DDX54: variants seen among roughly 807,000 people sequenced by gnomAD.
DDX54 encodes ATP-dependent RNA helicase DDX54.
In DDX54, 67 loss-of-function variants were observed where a neutral mutation model predicts 105.5. That is an observed-to-expected ratio of 0.64 (90% confidence interval 0.52 to 0.78). The LOEUF (loss-of-function observed/expected upper bound fraction) is 0.78, where lower values mean the gene tolerates loss of function less well. DDX54 is among the 30% of genes least tolerant of loss of function. The pLI is 0.00. For synonymous variants in DDX54, 514 were observed against 509.9 expected, an observed-to-expected ratio of 1.01 and a Z score of -0.11; for missense variants, 1,206 against 1,230.5, an observed-to-expected ratio of 0.98 and a Z score of 0.30.
At chr12:113,182,254 CTG>C (rs1375427668) in intron 1 of DDX54, among the ~76,000 whole-genome samples, 1 of 152,218 alleles carries the variant, frequency 6.6e-6, no homozygotes, top group Non-Finnish European at 1.5e-5. Flanking sequence ...GCTTCAGAGA[CTG>C]TGTTCTTTTC....
At chr12:113,177,506 C>G (rs1179962175) in intron 5 of DDX54, 1 of 175,984 alleles carries the variant, frequency 5.7e-6, no homozygotes, top group East Asian at 1.5e-4. Context: ...AATTTTAGCC[C>G]TCCTCTGCAG....
At chr12:113,179,785 C>T (rs1952444774) in intron 3 of DDX54, 150 bp downstream of exon 3, 3 of 915,884 alleles carry the variant, frequency 3.3e-6, no homozygotes. Flanking sequence ...CCTTCTCCAC[C>T]TAGGAAGTGG....
chr12:113,180,762 C>A (rs1400631906), intron 2 of DDX54, among the ~76,000 whole-genome samples, 167 bp downstream of exon 2: 2 of 152,200 alleles, frequency 1.3e-5, no homozygotes, highest in African/African-American at 2.4e-5. Flanking sequence ...TGTGTCAGGC[C>A]CGCTGCCCCA....
In DDX54 at chr12:113,165,875, C is replaced by G. The variant is rs367588842; in HGVS notation, c.1572G>C (p.Pro524=). The G allele has an allele frequency of 1.9e-6, 3 of 1,613,512 alleles. No homozygotes were observed. The African/African-American group carries it at 4.0e-5, about 22-fold the overall frequency. ...NAQQQYVRSR[P]APSPESIKRA... ...TCTTGATGGACTCAGGCGAGGGCGC[C>G]GGGCGTGAGCGCACATACTGCTGCT... is the stretch of plus-strand genomic sequence containing the variant. Residue 524 remains proline (P), a synonymous_variant, in exon 13 of 20, where the codon CCG becomes CCC. Coordinates refer to ENST00000306014, the MANE Select transcript of DDX54 (RefSeq NM_024072.4).
chr12:113,181,737 GTC>G (rs1425956055), intron 1 of DDX54, among the ~76,000 whole-genome samples: 1 of 151,752 alleles, frequency 6.6e-6, no homozygotes, highest in Non-Finnish European at 1.5e-5. Flanking sequence ...TCTCTGGTCT[GTC>G]TCATGCCTGG....
Position 113,161,255 on chromosome 12 carries a change from C to T in DDX54, c.2413+15G>A. The stretch of plus-strand genomic sequence containing the variant: ...TGCCTACCTGTGCACCCACACTCCC[C>T]ACCCTGGCTCTCACCTTGGCCACGG... On this transcript the variant is annotated intron_variant, in intron 19 of 19. Coordinates refer to ENST00000306014, the MANE Select transcript of DDX54 (RefSeq NM_024072.4). The T allele has an allele frequency of 6.2e-7, 1 of 1,603,020 alleles. No homozygotes were observed.
intron 17 of DDX54, among the ~76,000 whole-genome samples, chr12:113,162,469 C>T (rs1952219406): frequency 6.6e-6 from 1 of 152,222 alleles, no homozygotes; most frequent in South Asian, 2.1e-4. Context: ...GGCCATCACA[C>T]CTGCTGTGAG....
At position 113,164,573 on chromosome 12, in the gene DDX54, G is replaced by A. The variant is rs138424104; in HGVS notation, c.1720-288C>T. Among the ~76,000 whole-genome samples, 20 of 152,312 alleles carry A rather than the reference G, an allele frequency of 1.3e-4. No homozygotes were observed. In the East Asian group the frequency reaches 3.9e-3, roughly 29 times the overall value. ...TGCTAAAAATACAAAAATTAGCTAG[G>A]TGTGGTGGTGGGCACCTGTAGTCCC... On this transcript the variant is annotated intron_variant, in intron 14 of 19. Transcript: ENST00000306014.
intron 1 of DDX54, among the ~76,000 whole-genome samples, chr12:113,185,036 C>G (rs1015272406): frequency 2.0e-5 from 3 of 152,220 alleles, no homozygotes; most frequent in Non-Finnish European, 4.4e-5. Flanking sequence ...GCGACCAAAA[C>G]CCGGCAGGAA....
intron 11 of DDX54, among the ~76,000 whole-genome samples, chr12:113,171,845 C>T (rs546045476): frequency 2.6e-5 from 4 of 152,150 alleles, no homozygotes; most frequent in Non-Finnish European, 2.9e-5. Flanking sequence ...CCGTGACTTA[C>T]GAAGGGCTGC....
intron 11 of DDX54, among the ~76,000 whole-genome samples, 174 bp downstream of exon 11, chr12:113,172,179 G>A (rs865776445): frequency 5.3e-5 from 8 of 151,454 alleles, no homozygotes; most frequent in Non-Finnish European, 8.8e-5. Flanking sequence ...AGGCTGGATC[G>A]CAGTGGCACG....
chr12:113,174,547 C>A, intron 10 of DDX54, 93 bp downstream of exon 10: 3 of 1,515,494 alleles, frequency 2.0e-6, no homozygotes, highest in South Asian at 1.3e-5. Flanking sequence ...GCTCCTGGTC[C>A]GCTCTCGTGC....
chr12:113,180,841 C>T lies in DDX54; in HGVS notation c.304+88G>A, dbSNP rs7315201. 1,902 of 1,589,228 alleles carry T rather than the reference C, an allele frequency of 1.2e-3. 28 individuals carry two copies. In the African/African-American group the frequency reaches 0.022, roughly 18 times the overall value. ...GTCTACCCAACCACAGTGCTGGGCC[C>T]AGAGTGGACATCAGTGATGGAGTGC... On this transcript the variant is annotated intron_variant, in intron 2 of 19. Coordinates refer to ENST00000306014, the MANE Select transcript of DDX54 (RefSeq NM_024072.4).
At chr12:113,178,742 T>C (rs1247622773) in intron 5 of DDX54, among the ~76,000 whole-genome samples, 2 of 152,076 alleles carry the variant, frequency 1.3e-5, no homozygotes, top group African/African-American at 4.8e-5. Context: ...AGGGTTCTGC[T>C]ATGTTGGTCA....
rs1158742897 is a variant in DDX54 at position 113,175,099 on chromosome 12, C to T, written c.811G>A (p.Gly271Ser). The change falls in exon 8 of 20, where the codon GGC (glycine) becomes AGC (serine). Residue 271 changes from glycine to serine, a missense_variant. Gly to Ser is a moderately conservative substitution (Grantham distance 56). Around this residue, in one of 3 missense-constraint regions of DDX54, gnomAD observed 961 missense variants for 1,019.1 expected, o/e 0.94. Transcript: ENST00000306014. ...GCGGAGAACAGCACCGTCTGGTGGC[C>T]CCCGGGGAGGCGGGCGATGATCTCC... ...LQEIIARLPG[G>S]HQTVLFSATL... 3.1e-6 allele frequency: 5 copies of T among 1,613,860 alleles called. No individual in the cohort carries two copies. The highest frequency in any genetic ancestry group is 3.3e-5 in the Admixed American group (2 of 60,026).
Position 113,161,347 on chromosome 12 carries a change from T to G in DDX54, c.2336A>C (p.Asp779Ala). The change falls in exon 19 of 20, where the codon GAT becomes GCT. Residue 779 changes from aspartate (D) to alanine (A), a missense_variant. By Grantham distance (126) the Asp-to-Ala change is moderately radical. Coordinates refer to ENST00000306014, the MANE Select transcript of DDX54 (RefSeq NM_024072.4). ...TGCCCCTTCTTCGTCCGAGTCACGA[T>G]CATCAATTTTCTGTTTCTGTTTCCA... ...QKWKQKQKID[D>A]RDSDEEGASD... is the part of the protein sequence containing the mutation. 6.2e-7 allele frequency: 1 copy of G among 1,613,302 alleles called. No individual in the cohort carries two copies. The highest frequency in any genetic ancestry group is 8.5e-7 in the Non-Finnish European group (1 of 1,179,628).
At chr12:113,177,962 C>T (rs1040823622) in intron 5 of DDX54, among the ~76,000 whole-genome samples, 4 of 152,240 alleles carry the variant, frequency 2.6e-5, no homozygotes, top group African/African-American at 9.6e-5. Flanking sequence ...CACAGCCAGG[C>T]GTGGTGGCTT....
Position 113,179,212 on chromosome 12 carries a change from G to C in DDX54, c.495C>G (p.Thr165=), listed in dbSNP as rs749660726. The C allele has an allele frequency of 1.5e-5, 24 of 1,614,110 alleles. No individual in the cohort carries two copies. Among genetic ancestry groups the C allele is most frequent in the Non-Finnish European group, 1.9e-5 (23 of 1,180,014 alleles). ...GCGAGAGGATGAGGGCGCGGGCCCC[G>C]GTCTGGGCACTGTGGGTCTTGAGCC... ...FERLKTHSAQ[T]GARALILSPT... The change falls in exon 4 of 20, where the codon ACC becomes ACG. Residue 165 remains threonine, a synonymous_variant. Transcript: ENST00000306014.
chr12:113,184,969 T>G (rs1488844186), intron 1 of DDX54, among the ~76,000 whole-genome samples: 1 of 152,068 alleles, frequency 6.6e-6, no homozygotes, highest in Non-Finnish European at 1.5e-5. Flanking sequence ...CACTTTTCAT[T>G]GGGCGAAAGG....
Sources: allele counts gnomAD v4.1 joint callset (sites outside exome capture counted in the v4.1 genomes callset), GRCh38; gene constraint gnomAD v4.1.1; regional missense constraint gnomAD v4.1.1; transcripts MANE v1.5; gene names NCBI Gene and HGNC (gene_info 2026-07-23, HGNC 2026-07-21).